The following CADM2 variants were observed in gnomAD, a reference collection of about 807,000 sequenced individuals.
CADM2 encodes cell adhesion molecule 2.
CADM2 carries 12 observed loss-of-function variants against 49.8 expected under a neutral mutation model. The ratio of observed to expected loss-of-function variants is 0.24; its 90% CI spans 0.15 to 0.39. The LOEUF (loss-of-function observed/expected upper bound fraction) is 0.39. Ranked by LOEUF, CADM2 falls within the 10% of genes least tolerant of loss-of-function variation. CADM2 has a pLI of 1.00. For missense variants in CADM2, 378 were observed against 492.3 expected, an observed-to-expected ratio of 0.77 and a Z score of 2.20; for synonymous variants, 214 against 175.4, an observed-to-expected ratio of 1.22 and a Z score of -1.74.
chr3:85,034,046 C>T (rs1333662095), intron 1 of CADM2, among the ~76,000 whole-genome samples: 1 of 151,818 alleles, frequency 6.6e-6, no homozygotes, highest in Non-Finnish European at 1.5e-5. Context: ...TAATATAGGC[C>T]TACAATGTAT....
chr3:85,342,676 A>G (rs546156091), intron 1 of CADM2, among the ~76,000 whole-genome samples: 1 of 152,238 alleles, frequency 6.6e-6, no homozygotes, highest in South Asian at 2.1e-4. Context: ...CCTCTGCTTT[A>G]AACTTAGTTT....
chr3:85,679,920 A>G (rs915110720), intron 1 of CADM2, among the ~76,000 whole-genome samples: 1 of 152,188 alleles, frequency 6.6e-6, no homozygotes, highest in Non-Finnish European at 1.5e-5. Context: ...TCATTTTGCT[A>G]TATGAAGAAT....
At chr3:85,592,267 A>C (rs2063127400) in intron 1 of CADM2, among the ~76,000 whole-genome samples, 1 of 151,962 alleles carries the variant, frequency 6.6e-6, no homozygotes, top group Non-Finnish European at 1.5e-5. Flanking sequence ...TCAGAGTTTC[A>C]CTGTAATTGA....
At chr3:85,223,769 C>A (rs190300934) in intron 1 of CADM2, among the ~76,000 whole-genome samples, 1 of 152,080 alleles carries the variant, frequency 6.6e-6, no homozygotes, top group East Asian at 1.9e-4. Context: ...ACTCCCCCAA[C>A]AAGCCCTGCT....
intron 1 of CADM2, among the ~76,000 whole-genome samples, chr3:85,275,857 C>T (rs2106865505): frequency 6.6e-6 from 1 of 151,184 alleles, no homozygotes; most frequent in African/African-American, 2.4e-5. Context: ...ATACAGCACT[C>T]ATTTTTTTTG....
rs542770751 is a variant in CADM2 at position 85,562,277 on chromosome 3, C to T, written c.62-164245C>T. Among the ~76,000 whole-genome samples the T allele has an allele frequency of 3.3e-5, 5 of 151,858 alleles. No homozygotes were observed. The South Asian group carries it at 6.2e-4, about 19-fold the overall frequency. On this transcript the variant is annotated intron_variant, in intron 1 of 9. Transcript: ENST00000383699. ...GGCGGATCACCTGAGGTCGGGAGTT[C>T]GAGACCAGCCTGACAACATTGAGAG...
chr3:85,781,674 A>G (rs1051931013), intron 2 of CADM2, among the ~76,000 whole-genome samples: 3 of 152,210 alleles, frequency 2.0e-5, no homozygotes, highest in Admixed American at 6.5e-5. Flanking sequence ...TTGTTTAACC[A>G]AAGACTGTTT....
intron 1 of CADM2, among the ~76,000 whole-genome samples, chr3:85,522,317 T>C (rs1216677617): frequency 1.3e-5 from 2 of 152,184 alleles, no homozygotes; most frequent in African/African-American, 4.8e-5. Context: ...ATTTTTTCCT[T>C]TTCTGATGGT....
At chr3:85,973,640 GTT>G (rs1197894529) in intron 8 of CADM2, among the ~76,000 whole-genome samples, 1 of 151,704 alleles carries the variant, frequency 6.6e-6, no homozygotes, top group Non-Finnish European at 1.5e-5. Flanking sequence ...AAATAATAGA[GTT>G]TACAAACTGA....
At chr3:85,151,863 T>C (rs1463901595) in intron 1 of CADM2, among the ~76,000 whole-genome samples, 1 of 152,194 alleles carries the variant, frequency 6.6e-6, no homozygotes, top group Non-Finnish European at 1.5e-5. Context: ...CTTGAACAAA[T>C]CATTATAGAA....
chr3:85,385,918 C>A (rs1378741015), intron 1 of CADM2: 2 of 149,950 alleles, frequency 1.3e-5, no homozygotes, highest in African/African-American at 4.9e-5. Flanking sequence ...TACACATATT[C>A]ATTTTGCATG....
intron 1 of CADM2, among the ~76,000 whole-genome samples, chr3:84,962,752 GTTTA>G (rs1311627151): frequency 3.9e-5 from 6 of 151,988 alleles, no homozygotes; most frequent in African/African-American, 1.5e-4. Context: ...ATACTAATCA[GTTTA>G]TTTATCCCAT....
At chr3:85,314,699 T>C (rs2107068820) in intron 1 of CADM2, among the ~76,000 whole-genome samples, 1 of 152,294 alleles carries the variant, frequency 6.6e-6, no homozygotes, top group African/African-American at 2.4e-5. Flanking sequence ...CATTGTTTCT[T>C]ACTGGTAAAA....
intron 2 of CADM2, among the ~76,000 whole-genome samples, chr3:85,738,937 T>C (rs547922735): frequency 6.6e-6 from 1 of 152,284 alleles, no homozygotes; most frequent in Non-Finnish European, 1.5e-5. Context: ...AAAGTAGTTG[T>C]AATATACAGT....
At chr3:85,229,862 C>T (rs534419825) in intron 1 of CADM2, among the ~76,000 whole-genome samples, 299 of 152,280 alleles carry the variant, frequency 2.0e-3, no homozygotes, top group Middle Eastern at 6.8e-3. Flanking sequence ...TTAATGACTA[C>T]ATTTTGATTC....
At chr3:85,287,327 T>C (rs543145223) in intron 1 of CADM2, among the ~76,000 whole-genome samples, 40 of 152,222 alleles carry the variant, frequency 2.6e-4, no homozygotes, top group Non-Finnish European at 5.4e-4. Flanking sequence ...GAAGGAATAC[T>C]TTTTTCTTTG....
At chr3:85,800,227 C>T (rs2071916788) in intron 2 of CADM2, 1 of 152,216 alleles carries the variant, frequency 6.6e-6, no homozygotes, top group African/African-American at 2.4e-5. Flanking sequence ...ATAGCAGACA[C>T]CCCTCCCTCT....
At chr3:85,144,620 A>AAAAAAAAGAAAG (rs373935603) in intron 1 of CADM2, among the ~76,000 whole-genome samples, 1 of 136,366 alleles carries the variant, frequency 7.3e-6, no homozygotes, top group Non-Finnish European at 1.5e-5. Flanking sequence ...TCAAAAAAAA[A>AAAAAAAAGAAAG]AAAGAAAGAA....
chr3:85,696,199 C>A (rs1371764937), intron 1 of CADM2, among the ~76,000 whole-genome samples: 1 of 152,054 alleles, frequency 6.6e-6, no homozygotes, highest in East Asian at 1.9e-4. Flanking sequence ...CAAATATTTT[C>A]TCCCAATCCA....
Sources: gnomAD v4.1 joint callset for allele counts (sites outside exome capture counted in the v4.1 genomes callset) on GRCh38, gnomAD v4.1.1 for gene constraint, MANE v1.5 for transcripts, NCBI Gene and HGNC (gene_info 2026-07-23, HGNC 2026-07-21) for gene names.